Variants in CCAR2 observed in about 807,000 individuals in gnomAD.
The protein encoded by CCAR2 is cell cycle and apoptosis regulator 2, also known as cell cycle and apoptosis regulator protein 2.
Under a neutral mutation model 108.1 loss-of-function variants are expected in CCAR2, and 21 were observed. The observed-to-expected ratio is 0.19, with a 90% CI of 0.14 to 0.28. The LOEUF (loss-of-function observed/expected upper bound fraction) is 0.28. CCAR2 is among the 10% of genes least tolerant of loss of function. The pLI is 1.00. For synonymous variants in CCAR2, 577 were observed against 472.8 expected (o/e 1.22, Z -2.86); for missense variants, 1,126 against 1,177.0 (o/e 0.96, Z 0.63).
Position 22,620,418 on chromosome 8 carries a change from T to G in CCAR2, c.*736T>G, listed in dbSNP as rs200106090. On this transcript the variant is annotated 3_prime_UTR_variant, in exon 21 of 21. Transcript: ENST00000308511. The stretch of plus-strand genomic sequence containing the variant: ...TTTGACTTTGTATATAAAGTTGGGG[T>G]TTTTTTTTTTTTTTTTTGGCTTGTT... 10 of 39,792 alleles carry G rather than the reference T, an allele frequency of 2.5e-4. No individual in the cohort carries two copies. Among genetic ancestry groups the G allele is most frequent in the East Asian group, 1.2e-3 (3 of 2,488 alleles). 2.5% of individuals were successfully genotyped at this position (39,792 alleles called of 1,614,324 possible).
In CCAR2 at chr8:22,615,995, T is replaced by TC. The variant is rs749048215; in HGVS notation, c.1609-14dup. 1 of 1,613,558 alleles carries TC rather than the reference T, an allele frequency of 6.2e-7. No homozygotes were observed. The highest frequency in any genetic ancestry group is 1.3e-5 in the African/African-American group (1 of 74,982). ...CTTTCTTCCTGATGCTCATGGACCC[T>TC]CCCACCTCCCCATCAGGTGATGGTG... On this transcript the variant is annotated splice_polypyrimidine_tract_variant and intron_variant, in intron 13 of 20. Coordinates refer to ENST00000308511, the MANE Select transcript of CCAR2 (RefSeq NM_001393997.1).
At position 22,620,072 on chromosome 8, in the gene CCAR2, C is replaced by T. The variant is rs1869; in HGVS notation, c.*390C>T. On this transcript the variant is annotated 3_prime_UTR_variant, in exon 21 of 21. Transcript: ENST00000308511. ...CAAGGTCTGATGTCAGTGAACGGAA[C>T]TGAAGAGCAAGACATGGAGCCTGGC... is the stretch of plus-strand genomic sequence containing the variant. 59,126 of 211,626 alleles carry T rather than the reference C, an allele frequency of 0.28. 10,061 individuals are homozygous for T. Among genetic ancestry groups the T allele is most frequent in the East Asian group, 0.59 (4,937 of 8,340 alleles). The allele number at this position is 211,626 out of a possible 1,614,324, so 13.1% of individuals were successfully genotyped here.
chr8:22,607,466 G>GT, intron 6 of CCAR2, 141 bp downstream of exon 6: 25 of 777,644 alleles, frequency 3.2e-5, no homozygotes, highest in South Asian at 6.5e-5. Context: ...AGGTGTTTAG[G>GT]GTTTTTTTTT....
rs770017667 is a variant in CCAR2, at chr8:22,615,838, C to T, written c.1534C>T (p.Arg512Cys). The T allele has an allele frequency of 2.5e-5, 40 of 1,613,892 alleles. 2 individuals are homozygous for T. The South Asian group carries it at 2.5e-4, about 10-fold the overall frequency. Residue 512 changes from arginine (R) to cysteine (C), a missense_variant, in exon 13 of 21, where the codon CGC (arginine) becomes TGC (cysteine). Arg to Cys is a radical substitution (Grantham distance 180, BLOSUM62 -3). Coordinates refer to ENST00000308511, the MANE Select transcript of CCAR2 (RefSeq NM_001393997.1). Reference sequence around the variant, plus strand: ...CCCCCTAGAACCTGCTGTCATCGCACGCCCTGGCTGTGTAAACCTGTCCCT... The same window carrying T: ...CCCCCTAGAACCTGCTGTCATCGCATGCCCTGGCTGTGTAAACCTGTCCCT... ...PPPLEPAVIA[R>C]PGCVNLSLHG...
chr8:22,605,231 AGGG>A, intron 1 of CCAR2: 1 of 182,670 alleles, frequency 5.5e-6, no homozygotes, highest in Non-Finnish European at 1.2e-5. Flanking sequence ...TTCCGGGGAG[AGGG>A]CCCACACAGT....
At chr8:22,621,252 G>A, downstream of CCAR2, 1 of 893,526 alleles carries the variant, frequency 1.1e-6, no homozygotes, top group Non-Finnish European at 1.7e-6. Context: ...ACGGCGGCCT[G>A]CCTAGGGCTC....
downstream of CCAR2, chr8:22,621,309 G>T: frequency 7.2e-7 from 1 of 1,392,174 alleles, no homozygotes; most frequent in Non-Finnish European, 9.6e-7. Context: ...GGGCCGGCAA[G>T]TGAACCAGGG....
chr8:22,612,300 G>T (rs1801316566), intron 7 of CCAR2, among the ~76,000 whole-genome samples: 1 of 143,680 alleles, frequency 7.0e-6, no homozygotes, highest in South Asian at 2.2e-4. Flanking sequence ...ACGGAGTCTT[G>T]CTCTGTCACC....
At chr8:22,608,394 G>A (rs1426014110) in intron 7 of CCAR2, among the ~76,000 whole-genome samples, 1 of 152,216 alleles carries the variant, frequency 6.6e-6, no homozygotes, top group African/African-American at 2.4e-5. Context: ...GAGATGATAG[G>A]AATGGAAACT....
At position 22,609,143 on chromosome 8, in the gene CCAR2, C is replaced by T. The variant is rs1287134373; in HGVS notation, c.584+1078C>T. Among the ~76,000 whole-genome samples the T allele has an allele frequency of 3.3e-5, 5 of 149,952 alleles. No individual in the cohort carries two copies. In the Admixed American group the frequency reaches 3.4e-4, roughly 10 times the overall value. On this transcript the variant is annotated intron_variant, in intron 7 of 20. Coordinates refer to ENST00000308511, the MANE Select transcript of CCAR2 (RefSeq NM_001393997.1). ...ACGGCTCATTGCAGCCTTGATCTCT[C>T]TGGCACAAGCCATCCTCCTGCCTCG...
chr8:22,611,533 G>GTATT (rs1386520284), intron 7 of CCAR2, among the ~76,000 whole-genome samples: 1 of 151,880 alleles, frequency 6.6e-6, no homozygotes, highest in Non-Finnish European at 1.5e-5. Flanking sequence ...TAACAGGTAG[G>GTATT]TATTAAAGAA....
chr8:22,618,928 G>A lies in CCAR2; in HGVS notation c.2434G>A (p.Val812Met), dbSNP rs1347790570. ...GTCCCACAATGGCAGCCTGATTAAC[G>A]TGGGGAGCCTGCTGCAGCGCGCGGA... is the stretch of plus-strand genomic sequence containing the variant. ...LVSHNGSLIN[V>M]GSLLQRAEQQ... The change falls in exon 19 of 21, where the codon GTG (valine) becomes ATG (methionine). Residue 812 changes from valine to methionine, a missense_variant. By Grantham distance (21) the Val-to-Met change is conservative. This residue lies in a region of CCAR2 where 1,013 missense variants were observed against 993.9 expected (regional missense o/e 1.02). Transcript: ENST00000308511. 8 of 1,613,690 alleles carry A rather than the reference G, an allele frequency of 5.0e-6. No homozygotes were observed. Among genetic ancestry groups the A allele is most frequent in the Non-Finnish European group, 6.8e-6 (8 of 1,180,044 alleles).
chr8:22,612,941 A>G, intron 7 of CCAR2, 76 bp from the exon 8 acceptor site: 3 of 1,454,930 alleles, frequency 2.1e-6, no homozygotes, highest in Non-Finnish European at 2.8e-6. Flanking sequence ...GATTGTTTCC[A>G]GTTCTTTTAG....
chr8:22,607,924 C>A (rs200887139), intron 6 of CCAR2, 45 bp from the exon 7 acceptor site: 19 of 1,553,906 alleles, frequency 1.2e-5, no homozygotes, highest in Non-Finnish European at 1.6e-5. Flanking sequence ...TTGCACCCGG[C>A]CGGTTTTTAG....
chr8:22,605,632 C>T (rs570511260), intron 1 of CCAR2, 104 bp from the exon 2 acceptor site: 5 of 676,740 alleles, frequency 7.4e-6, no homozygotes, highest in African/African-American at 5.4e-5. Flanking sequence ...TTATTACCCA[C>T]CTCCCTGTTT....
chr8:22,611,816 G>A (rs1801294096), intron 7 of CCAR2, among the ~76,000 whole-genome samples: 1 of 152,068 alleles, frequency 6.6e-6, no homozygotes, highest in African/African-American at 2.4e-5. Context: ...TTTCCACTAT[G>A]TGTAGTCTTT....
chr8:22,620,702 A>AATACT (rs1380730226), downstream of CCAR2: 1 of 152,148 alleles, frequency 6.6e-6, no homozygotes, highest in Non-Finnish European at 1.5e-5. Context: ...GTTACAGCAC[A>AATACT]ATACTATGTG....
At chr8:22,621,170 G>T, downstream of CCAR2, 1 of 509,838 alleles carries the variant, frequency 2.0e-6, no homozygotes. Flanking sequence ...ATGCATGCTG[G>T]ACGGTTCTCC....
chr8:22,619,586 C>T (rs1229329431), intron 20 of CCAR2, 52 bp from the exon 21 acceptor site: 1 of 1,548,008 alleles, frequency 6.5e-7, no homozygotes, highest in Non-Finnish European at 8.7e-7. Flanking sequence ...GTCCGCAGTC[C>T]TCAGATCACC....
Sources: gnomAD v4.1 joint callset for allele counts (sites outside exome capture counted in the v4.1 genomes callset) on GRCh38, gnomAD v4.1.1 for gene constraint, gnomAD v4.1.1 regional missense constraint, MANE v1.5 for transcripts, NCBI Gene and HGNC (gene_info 2026-07-23, HGNC 2026-07-21) for gene names.